The following SLC25A43 variants were observed in gnomAD, a reference collection of about 807,000 sequenced individuals.
The protein encoded by SLC25A43 is solute carrier family 25 member 43.
In SLC25A43, 10 loss-of-function variants were observed where a neutral mutation model predicts 22.8. The observed-to-expected ratio is 0.44, with a 90% CI of 0.27 to 0.74. SLC25A43 has a LOEUF of 0.74. SLC25A43 is among the 30% of genes least tolerant of loss of function. The pLI, the probability that SLC25A43 is intolerant of heterozygous loss-of-function variation, is 0.17. For missense variants in SLC25A43, 233 were observed against 279.1 expected (o/e 0.83, Z 1.18); for synonymous variants, 106 against 121.6 (o/e 0.87, Z 0.84).
In SLC25A43 at chrX:119,399,515, G is replaced by T. The variant is rs1004955503; in HGVS notation, c.112G>T (p.Val38Leu). 1 of 1,094,585 alleles carries T rather than the reference G, an allele frequency of 9.1e-7. No homozygotes were observed. The highest frequency in any genetic ancestry group is 3.9e-5 in the East Asian group (1 of 25,893). 90.2% of individuals were successfully genotyped at this position (1,094,585 alleles called of 1,213,427 possible). A position where few individuals can be genotyped will look rare whatever the true frequency, so the allele number is the denominator to read the frequency against. Residue 38 changes from valine to leucine, a missense_variant, in exon 1 of 5, where the codon GTG becomes TTG. By Grantham distance (32) the Val-to-Leu change is conservative. Coordinates refer to ENST00000217909, the MANE Select transcript of SLC25A43 (RefSeq NM_145305.3). ...CACCGCGCCCCTGGAGCTCGCCACCGTGCTGGCCCAGGTTGGCGTCGTGCG... is the reference window on the plus strand; with the variant it reads ...CACCGCGCCCCTGGAGCTCGCCACCTTGCTGGCCCAGGTTGGCGTCGTGCG... ...SLTAPLELAT[V>L]LAQVGVVRGH...
intron 3 of SLC25A43, among the ~76,000 whole-genome samples, chrX:119,415,180 C>G (rs2147265005): frequency 9.1e-6 from 1 of 109,848 alleles, no homozygotes; most frequent in African/African-American, 3.3e-5. Context: ...GCCTTGGCCT[C>G]CCAAAGTGCT....
chrX:119,434,193 G>T (rs1308722879), intron 3 of SLC25A43, among the ~76,000 whole-genome samples: 1 of 110,624 alleles, frequency 9.0e-6, no homozygotes, highest in East Asian at 2.8e-4. Context: ...GGTGACTCAG[G>T]TTTTGGGCCT....
chrX:119,402,453 A>T (rs2052246884), intron 1 of SLC25A43, among the ~76,000 whole-genome samples: 1 of 111,952 alleles, frequency 8.9e-6, no homozygotes, highest in African/African-American at 3.2e-5. Context: ...GGAACTTCAC[A>T]ACCGCTTGTC....
At chrX:119,432,774 C>T (rs1233861446) in intron 3 of SLC25A43, among the ~76,000 whole-genome samples, 3 of 72,493 alleles carry the variant, frequency 4.1e-5, no homozygotes, top group East Asian at 7.8e-4. Flanking sequence ...AGTGACAGAG[C>T]GAGATTCCAT....
chrX:119,449,716 C>G (rs1384146342), intron 3 of SLC25A43, among the ~76,000 whole-genome samples: 2 of 110,331 alleles, frequency 1.8e-5, no homozygotes, highest in Non-Finnish European at 3.8e-5. Context: ...GGTAACAGAG[C>G]GAGACTCTGT....
chrX:119,443,106 C>G (rs188943780), intron 3 of SLC25A43, among the ~76,000 whole-genome samples: 84 of 101,127 alleles, frequency 8.3e-4, no homozygotes, highest in African/African-American at 2.7e-3. Flanking sequence ...TTTCTTTTCC[C>G]ATTCTCTCTC....
intron 3 of SLC25A43, among the ~76,000 whole-genome samples, chrX:119,442,493 C>G (rs11798699): frequency 9.0e-6 from 1 of 111,112 alleles, no homozygotes; most frequent in Non-Finnish European, 1.9e-5. Flanking sequence ...TAAATTTCCT[C>G]TTTTCAATAT....
At chrX:119,400,076 G>A (rs1173420576) in intron 1 of SLC25A43, among the ~76,000 whole-genome samples, 2 of 112,018 alleles carry the variant, frequency 1.8e-5, no homozygotes, top group African/African-American at 6.5e-5. Context: ...GGCTTAGGAA[G>A]AGAGAGACCC....
intron 2 of SLC25A43, among the ~76,000 whole-genome samples, chrX:119,408,044 C>T (rs577840990): frequency 9.0e-6 from 1 of 110,895 alleles, no homozygotes; most frequent in Admixed American, 9.7e-5. Context: ...GATCTCTCCA[C>T]GTGCAATTTC....
intron 1 of SLC25A43, 32 bp downstream of exon 1, chrX:119,399,710 G>T: frequency 1.1e-6 from 1 of 937,597 alleles, no homozygotes; most frequent in South Asian, 3.6e-5. Flanking sequence ...GGAACCGGGA[G>T]ACCGGACGGG....
At chrX:119,412,220 C>A (rs1201566592) in intron 3 of SLC25A43, among the ~76,000 whole-genome samples, 1 of 111,964 alleles carries the variant, frequency 8.9e-6, no homozygotes, top group Non-Finnish European at 1.9e-5. Flanking sequence ...GGGTTGCATT[C>A]CTTTCCTGTC....
chrX:119,424,043 T>TTAGC (rs2052481076), intron 3 of SLC25A43: 1 of 109,635 alleles, frequency 9.1e-6, no homozygotes, highest in African/African-American at 3.3e-5. Context: ...TGAAACCCCG[T>TTAGC]CTCTACTAAA....
intron 3 of SLC25A43, among the ~76,000 whole-genome samples, chrX:119,424,077 G>T (rs1440462270): frequency 6.4e-5 from 7 of 109,586 alleles, no homozygotes; most frequent in Non-Finnish European, 1.1e-4. Flanking sequence ...GCCGGGCGTG[G>T]TGGTGGGCGC....
intron 1 of SLC25A43, among the ~76,000 whole-genome samples, chrX:119,404,365 C>T (rs934559866): frequency 9.0e-6 from 1 of 111,267 alleles, no homozygotes; most frequent in Non-Finnish European, 1.9e-5. Flanking sequence ...TCTTTGGGTT[C>T]GATTAATTTG....
intron 1 of SLC25A43, among the ~76,000 whole-genome samples, chrX:119,405,658 T>A (rs1205496390): frequency 9.6e-6 from 1 of 103,777 alleles, no homozygotes; most frequent in African/African-American, 3.6e-5. Flanking sequence ...TAGTTTCAGC[T>A]ACTCAGGAGG....
Position 119,399,627 on chromosome X carries a change from C to G in SLC25A43, c.224C>G (p.Ala75Gly). ...LRALWKGNAV[A>G]CLRLFPCSAV... ...GCCCTGTGGAAGGGGAACGCGGTGG[C>G]GTGCCTGCGCCTCTTCCCCTGCAGC... The change falls in exon 1 of 5, where the codon GCG (alanine) becomes GGG (glycine). Residue 75 changes from alanine to glycine, a missense_variant. Ala to Gly is a moderately conservative substitution (Grantham distance 60). Coordinates refer to ENST00000217909, the MANE Select transcript of SLC25A43 (RefSeq NM_145305.3). 9.8e-7 allele frequency: 1 copy of G among 1,017,822 alleles called. No individual in the cohort carries two copies. The highest frequency in any genetic ancestry group is 2.0e-5 in the African/African-American group (1 of 50,452). 83.9% of individuals were successfully genotyped at this position (1,017,822 alleles called of 1,213,427 possible). A position where few individuals can be genotyped will look rare whatever the true frequency, so the allele number is the denominator to read the frequency against.
At chrX:119,449,038 G>A (rs752018124) in intron 3 of SLC25A43, among the ~76,000 whole-genome samples, 1 of 111,544 alleles carries the variant, frequency 9.0e-6, no homozygotes, top group Non-Finnish European at 1.9e-5. Flanking sequence ...AAGGAGCTTA[G>A]ATTTTATCCT....
At chrX:119,422,001 C>T (rs2052458259) in intron 3 of SLC25A43, among the ~76,000 whole-genome samples, 1 of 111,420 alleles carries the variant, frequency 9.0e-6, no homozygotes, top group Non-Finnish European at 1.9e-5. Flanking sequence ...CTGCAACCTC[C>T]GCCTCCTGGG....
intron 3 of SLC25A43, among the ~76,000 whole-genome samples, chrX:119,430,642 T>C (rs1384071320): frequency 8.9e-6 from 1 of 112,256 alleles, no homozygotes; most frequent in Non-Finnish European, 1.9e-5. Context: ...CTGGGGAGCT[T>C]GTAAAAAGTG....
Sources: allele counts gnomAD v4.1 joint callset (sites outside exome capture counted in the v4.1 genomes callset), GRCh38; gene constraint gnomAD v4.1.1; transcripts MANE v1.5; gene names NCBI Gene and HGNC (gene_info 2026-07-23, HGNC 2026-07-21).